GRAMD1B: variants seen among roughly 807,000 people sequenced by gnomAD.
The protein encoded by GRAMD1B is GRAM domain containing 1B.
Under a neutral mutation model 99.7 loss-of-function variants are expected in GRAMD1B, and 37 were observed. The ratio of observed to expected loss-of-function variants is 0.37; its 90% CI spans 0.29 to 0.49. The LOEUF is 0.49. GRAMD1B is among the 20% of genes least tolerant of loss of function. GRAMD1B has a pLI of 0.98. For missense variants in GRAMD1B, 888 were observed against 1,009.2 expected (o/e 0.88, Z 1.63); for synonymous variants, 427 against 387.6 (o/e 1.10, Z -1.19).
At chr11:123,583,678 G>A (rs1204837423) in intron 3 of GRAMD1B, among the ~76,000 whole-genome samples, 3 of 152,022 alleles carry the variant, frequency 2.0e-5, no homozygotes, top group African/African-American at 7.3e-5. Context: ...GGTCTGTTTT[G>A]CTTGTTCTGA....
chr11:123,598,849 G>C, intron 7 of GRAMD1B: 2 of 1,368,774 alleles, frequency 1.5e-6, no homozygotes, highest in South Asian at 2.3e-5. Context: ...TCTTGGAGAG[G>C]CTTCACTCTA....
chr11:123,534,198 T>C (rs1341863399), intron 2 of GRAMD1B, among the ~76,000 whole-genome samples: 1 of 152,202 alleles, frequency 6.6e-6, no homozygotes, highest in Non-Finnish European at 1.5e-5. Flanking sequence ...ACTGTATTCT[T>C]GCAATAAAGT....
At chr11:123,519,064 C>A (rs532649920) in intron 2 of GRAMD1B, among the ~76,000 whole-genome samples, 11 of 152,170 alleles carry the variant, frequency 7.2e-5, no homozygotes, top group Non-Finnish European at 1.2e-4. Context: ...CCTTTGCTAG[C>A]CCTCTGGCCG....
rs1219043397 is a variant in GRAMD1B at position 123,624,330 on chromosome 11, TAC to T, written c.*1737_*1738del. 2.0e-5 allele frequency: 3 copies of T among 152,222 alleles called. No individual in the cohort carries two copies. Among genetic ancestry groups the T allele is most frequent in the African/African-American group, 7.2e-5 (3 of 41,460 alleles). The allele number at this position is 152,222 out of a possible 1,614,324, so 9.4% of individuals were successfully genotyped here. A position where few individuals can be genotyped will look rare whatever the true frequency, so the allele number is the denominator to read the frequency against. ...ATGGCCTTTAATTCCCTGTGGCAAT[TAC>T]AGTTTTTGACTTTTCCATGTGAGAA... is the stretch of plus-strand genomic sequence containing the variant. On this transcript the variant is annotated 3_prime_UTR_variant, in exon 20 of 20. Transcript: ENST00000635736.
intron 2 of GRAMD1B, among the ~76,000 whole-genome samples, chr11:123,563,196 A>G (rs1255652201): frequency 1.3e-5 from 2 of 152,334 alleles, no homozygotes; most frequent in Non-Finnish European, 2.9e-5. Context: ...AGGGAGTAGG[A>G]TAGGACCTCT....
At chr11:123,398,981 A>G (rs1947562132) in intron 1 of GRAMD1B, among the ~76,000 whole-genome samples, 1 of 152,178 alleles carries the variant, frequency 6.6e-6, no homozygotes, top group South Asian at 2.1e-4. Context: ...ATTTTTGAGT[A>G]TACAAAACAA....
At chr11:123,486,564 A>AAAAAAAG (rs779982778) in intron 2 of GRAMD1B, among the ~76,000 whole-genome samples, 22,838 of 147,190 alleles carry the variant, frequency 0.16, 2,054 homozygotes, top group Middle Eastern at 0.21. Context: ...GAAAAAAAAA[A>AAAAAAAG]AAAAACAAAA....
intron 2 of GRAMD1B, among the ~76,000 whole-genome samples, chr11:123,520,109 G>A (rs1942058057): frequency 6.6e-6 from 1 of 152,184 alleles, no homozygotes; most frequent in Admixed American, 6.5e-5. Context: ...CAGGGTAGGC[G>A]AGACTTTAAG....
chr11:123,439,098 G>A lies in GRAMD1B; in HGVS notation c.374+7932G>A, dbSNP rs187310082. On this transcript the variant is annotated intron_variant, in intron 1 of 19. Coordinates refer to ENST00000635736, the MANE Select transcript of GRAMD1B (RefSeq NM_001387025.1). ...GCCAAGGGGCTGTTGTGCCTGGTGT[G>A]AGGAGGGACATAGCTTCTTATTGTC... is the stretch of plus-strand genomic sequence containing the variant. 2.6e-4 allele frequency among the ~76,000 whole-genome samples: 40 copies of A among 152,310 alleles called. 1 individual carries two copies. The East Asian group carries it at 6.8e-3, about 26-fold the overall frequency.
At chr11:123,455,895 T>C (rs1950093962) in intron 1 of GRAMD1B, among the ~76,000 whole-genome samples, 1 of 151,790 alleles carries the variant, frequency 6.6e-6, no homozygotes, top group Admixed American at 6.6e-5. Flanking sequence ...CCAGGCCGGG[T>C]GGGGTGGCTC....
intron 2 of GRAMD1B, chr11:123,491,932 G>A (rs1165710544): frequency 2.5e-6 from 1 of 399,148 alleles, no homozygotes; most frequent in Non-Finnish European, 4.4e-6. Flanking sequence ...TCCTCCCTGA[G>A]GAAGAAGCTG....
chr11:123,480,874 C>G lies in GRAMD1B; in HGVS notation c.433C>G (p.Pro145Ala). ...HDDDSSRFLSPRAREESTASN... is the reference protein window; with the variant it reads ...HDDDSSRFLSARAREESTASN... ...TGATGATTCTAGCAGGTTCCTGAGTCCTCGAGCGCGGGAAGAAAGGTAAGG... is the reference window on the plus strand; with the variant it reads ...TGATGATTCTAGCAGGTTCCTGAGTGCTCGAGCGCGGGAAGAAAGGTAAGG... Residue 145 changes from proline to alanine, a missense_variant, in exon 2 of 20, where the codon CCT becomes GCT. By Grantham distance (27) the Pro-to-Ala change is conservative. Coordinates refer to ENST00000635736, the MANE Select transcript of GRAMD1B (RefSeq NM_001387025.1). 1 of 398,118 alleles carries G rather than the reference C, an allele frequency of 2.5e-6. No homozygotes were observed. The highest frequency in any genetic ancestry group is 4.4e-6 in the Non-Finnish European group (1 of 226,146). 24.7% of individuals were successfully genotyped at this position (398,118 alleles called of 1,614,324 possible).
intron 1 of GRAMD1B, among the ~76,000 whole-genome samples, chr11:123,384,466 C>T (rs964228004): frequency 1.2e-4 from 18 of 152,282 alleles, no homozygotes; most frequent in Admixed American, 1.0e-3. Context: ...TAACCCCCTT[C>T]CCCTAAACCC....
At chr11:123,432,079 C>T (rs1948920520) in intron 1 of GRAMD1B, 1 of 398,482 alleles carries the variant, frequency 2.5e-6, no homozygotes. Context: ...GATCACTTTC[C>T]CTGGAATTCC....
intron 2 of GRAMD1B, among the ~76,000 whole-genome samples, chr11:123,524,067 T>C: frequency 6.6e-6 from 1 of 152,200 alleles, no homozygotes; most frequent in East Asian, 1.9e-4. Flanking sequence ...TTAAAGAGTG[T>C]TTCTTCTGGA....
chr11:123,546,514 T>C (rs1411122905), intron 2 of GRAMD1B, among the ~76,000 whole-genome samples: 1 of 152,180 alleles, frequency 6.6e-6, no homozygotes, highest in Non-Finnish European at 1.5e-5. Context: ...GAATATGGCA[T>C]GAGGTATGTG....
intron 4 of GRAMD1B, among the ~76,000 whole-genome samples, 160 bp from the exon 5 acceptor site, chr11:123,593,922 C>G (rs1197148897): frequency 2.0e-5 from 3 of 152,166 alleles, no homozygotes; most frequent in Non-Finnish European, 4.4e-5. Context: ...TTTCTCCACA[C>G]CGAGGCGCCG....
intron 2 of GRAMD1B, among the ~76,000 whole-genome samples, chr11:123,553,860 G>T (rs1265776933): frequency 6.6e-6 from 1 of 152,110 alleles, no homozygotes; most frequent in Non-Finnish European, 1.5e-5. Flanking sequence ...GATGGCCAGT[G>T]TATACCAACT....
At position 123,609,836 on chromosome 11, in the gene GRAMD1B, C is replaced by T; in HGVS notation, c.1699C>T (p.Gln567Ter). 1 of 1,604,168 alleles carries T rather than the reference C, an allele frequency of 6.2e-7. No homozygotes were observed. The highest frequency in any genetic ancestry group is 8.5e-7 in the Non-Finnish European group (1 of 1,174,946). ...HPWKKEENGN[Q>*]SRVILYTITL... ...ATGGAAAAAGGAGGAGAATGGAAACCAGAGCCGAGTGATTCTTTACACCAT... is the reference window on the plus strand; with the variant it reads ...ATGGAAAAAGGAGGAGAATGGAAACTAGAGCCGAGTGATTCTTTACACCAT... Residue 567 changes from glutamine (Q) to a stop codon, truncating the protein, a stop_gained, in exon 13 of 20, where the codon CAG becomes TAG. Transcript: ENST00000635736. LOFTEE classifies it high-confidence loss of function.
Sources: allele counts gnomAD v4.1 joint callset (sites outside exome capture counted in the v4.1 genomes callset), GRCh38; gene constraint gnomAD v4.1.1; transcripts MANE v1.5; gene names NCBI Gene and HGNC (gene_info 2026-07-23, HGNC 2026-07-21).